PRELID2: variants seen among roughly 807,000 people sequenced by gnomAD.
PRELID2 encodes the protein PRELI domain containing 2.
A neutral mutation model predicts 28.4 loss-of-function variants in PRELID2; 25 were observed. The ratio of observed to expected loss-of-function variants is 0.88; its 90% CI spans 0.64 to 1.23. PRELID2 has a LOEUF of 1.23. PRELID2 is among the 50% of genes most tolerant of loss of function. The pLI is 0.00. For synonymous variants in PRELID2, 76 were observed against 71.6 expected, an observed-to-expected ratio of 1.06 and a Z score of -0.31; for missense variants, 201 against 214.4, an observed-to-expected ratio of 0.94 and a Z score of 0.39.
At chr5:145,477,678 A>G (rs1370507795) in intron 1 of PRELID2, among the ~76,000 whole-genome samples, 1 of 152,210 alleles carries the variant, frequency 6.6e-6, no homozygotes, top group African/African-American at 2.4e-5. Flanking sequence ...ACTATATAAA[A>G]TTCTACTATA....
chr5:145,656,106 C>T (rs907857806), intron 1 of PRELID2, among the ~76,000 whole-genome samples: 10 of 152,148 alleles, frequency 6.6e-5, no homozygotes, highest in African/African-American at 9.7e-5. Context: ...TGAACAGACA[C>T]TTATCAAAAG....
chr5:145,656,626 A>G lies in PRELID2; in HGVS notation n.70+108305T>C, dbSNP rs181713729. 2.6e-3 allele frequency among the ~76,000 whole-genome samples: 394 copies of G among 152,150 alleles called. 4 individuals carry two copies. The highest frequency in any genetic ancestry group is 8.8e-3 in the African/African-American group (366 of 41,512). On this transcript the variant is annotated intron_variant and non_coding_transcript_variant, in intron 1 of 2. Coordinates refer to the PRELID2 transcript ENST00000510259. Reference sequence around the variant, plus strand: ...AGAGACATGGATGAAGCTGGAAACCATCATTCTCAGCAAACTATCGCAAGG... The same window carrying G: ...AGAGACATGGATGAAGCTGGAAACCGTCATTCTCAGCAAACTATCGCAAGG...
intron 1 of PRELID2, among the ~76,000 whole-genome samples, chr5:145,662,499 T>G (rs949734235): frequency 6.6e-6 from 1 of 152,112 alleles, no homozygotes; most frequent in South Asian, 2.1e-4. Flanking sequence ...TGCTATAGTT[T>G]GAATGCCCCC....
rs779549977 is a variant in PRELID2 at position 145,823,121 on chromosome 5, A to G, written c.89T>C (p.Met30Thr). 1 of 1,524,256 alleles carries G rather than the reference A, an allele frequency of 6.6e-7. No homozygotes were observed. Among genetic ancestry groups the G allele is most frequent in the Non-Finnish European group, 9.1e-7 (1 of 1,098,516 alleles). 94.4% of individuals were successfully genotyped at this position (1,524,256 alleles called of 1,614,324 possible). A position where few individuals can be genotyped will look rare whatever the true frequency, so the allele number is the denominator to read the frequency against. ...ASFLRKYPNP[M>T]DKNVISVKIM... The stretch of plus-strand genomic sequence containing the variant: ...TTTTACTGAGATGACATTTTTATCC[A>G]TGGGGTTGGGGTACTAAACAAAAAT... Residue 30 changes from methionine to threonine, a missense_variant, in exon 2 of 7, where the codon ATG becomes ACG. Met to Thr is a moderately conservative substitution (Grantham distance 81). Transcript: ENST00000683046.
chr5:145,315,072 T>G, the PRELID2 span, among the ~76,000 whole-genome samples: 1 of 144,356 alleles, frequency 6.9e-6, no homozygotes, highest in Non-Finnish European at 1.5e-5. Flanking sequence ...TTCTTTTTTT[T>G]TTTTTTTTTT....
chr5:145,520,390 G>A (rs1580966371), intron 1 of PRELID2, among the ~76,000 whole-genome samples: 1 of 152,176 alleles, frequency 6.6e-6, no homozygotes, highest in Non-Finnish European at 1.5e-5. Flanking sequence ...CACTTGCCAA[G>A]CTTCCCTCAA....
At chr5:145,626,504 T>C (rs1412484887) in intron 1 of PRELID2, among the ~76,000 whole-genome samples, 1 of 151,694 alleles carries the variant, frequency 6.6e-6, no homozygotes, top group East Asian at 1.9e-4. Context: ...ATGGCTATTA[T>C]TAAAAAGTAA....
chr5:145,670,185 G>A (rs1190941632), intron 1 of PRELID2, among the ~76,000 whole-genome samples: 1 of 152,054 alleles, frequency 6.6e-6, no homozygotes, highest in East Asian at 1.9e-4. Context: ...TTCTGGTGAG[G>A]GCCTTAGGAA....
chr5:145,710,766 A>G (rs1755671537), intron 1 of PRELID2, among the ~76,000 whole-genome samples: 1 of 152,252 alleles, frequency 6.6e-6, no homozygotes, highest in African/African-American at 2.4e-5. Flanking sequence ...AAGTAGCAGA[A>G]ATGAATAAGG....
At chr5:145,321,808 T>C in the PRELID2 span, among the ~76,000 whole-genome samples, 1 of 152,202 alleles carries the variant, frequency 6.6e-6, no homozygotes, top group East Asian at 1.9e-4. Flanking sequence ...CTGCCCTCCC[T>C]TCCTCATACA....
the PRELID2 span, chr5:145,229,106 C>T: frequency 5.4e-5 from 78 of 1,455,844 alleles, no homozygotes; most frequent in Middle Eastern, 2.4e-4. Context: ...GGCCCTGCAT[C>T]GCCCACAAAA....
At chr5:145,420,990 T>G in the PRELID2 span, among the ~76,000 whole-genome samples, 3 of 142,208 alleles carry the variant, frequency 2.1e-5, no homozygotes, top group African/African-American at 8.0e-5. Flanking sequence ...ATTGAGATAA[T>G]CATGTGGTTT....
At chr5:145,229,305 A>G in the PRELID2 span, 3 of 747,684 alleles carry the variant, frequency 4.0e-6, no homozygotes, top group South Asian at 1.3e-5. Flanking sequence ...CTGATGGAAT[A>G]TGCAAAGCAA....
chr5:145,772,403 G>A (rs1758164176), intron 5 of PRELID2, among the ~76,000 whole-genome samples: 2 of 152,132 alleles, frequency 1.3e-5, no homozygotes, highest in South Asian at 4.1e-4. Flanking sequence ...GTGTTGTGCT[G>A]CTGTAACAGA....
At chr5:145,427,320 G>A in the PRELID2 span, among the ~76,000 whole-genome samples, 2 of 152,164 alleles carry the variant, frequency 1.3e-5, no homozygotes, top group Non-Finnish European at 2.9e-5. Flanking sequence ...CTAATGTAGT[G>A]TGTTACCAAA....
rs1265574987 is a variant in PRELID2, at chr5:145,817,220, A to ATATAT, written c.368+673_368+674insATATA. The stretch of plus-strand genomic sequence containing the variant: ...AAAAATAAATAAATAAATAAAAAAA[A>ATATAT]ATATATATATATATATACTTTAGAT... On this transcript the variant is annotated intron_variant, in intron 4 of 6. Transcript: ENST00000683046. Among the ~76,000 whole-genome samples, 446 of 66,490 alleles carry ATATAT rather than the reference A, an allele frequency of 6.7e-3. 16 individuals carry two copies. The highest frequency in any genetic ancestry group is 0.017 in the African/African-American group (414 of 24,616). 43.6% of individuals were successfully genotyped at this position (66,490 alleles called of 152,430 possible).
intron 1 of PRELID2, among the ~76,000 whole-genome samples, chr5:145,579,684 T>C (rs1470743138): frequency 6.6e-6 from 1 of 152,094 alleles, no homozygotes; most frequent in Admixed American, 6.6e-5. Flanking sequence ...CTTTTAAAGT[T>C]CTCATATGTA....
At chr5:145,288,903 A>G in the PRELID2 span, among the ~76,000 whole-genome samples, 217 of 152,240 alleles carry the variant, frequency 1.4e-3, no homozygotes, top group Non-Finnish European at 2.6e-3. Context: ...ATCAGGGTAC[A>G]TGTATGGCAA....
chr5:145,328,323 T>C, the PRELID2 span, among the ~76,000 whole-genome samples: 1 of 152,344 alleles, frequency 6.6e-6, no homozygotes. Flanking sequence ...CTGAGTCAAA[T>C]GGTAATTCTA....
Sources: allele counts gnomAD v4.1 joint callset (sites outside exome capture counted in the v4.1 genomes callset), GRCh38; gene constraint gnomAD v4.1.1; transcripts MANE v1.5; gene names NCBI Gene and HGNC (gene_info 2026-07-23, HGNC 2026-07-21).